The following CDH18 variants were observed in gnomAD, a reference collection of about 807,000 sequenced individuals.
CDH18 encodes the protein cadherin 18, also known as cadherin-18.
In CDH18, 31 loss-of-function variants were observed where a neutral mutation model predicts 67.9. The observed-to-expected ratio is 0.46, with a 90% CI of 0.34 to 0.62. CDH18 has a LOEUF of 0.62. Ranked by LOEUF, CDH18 falls within the 20% of genes least tolerant of loss-of-function variation. CDH18 has a pLI of 0.01. For synonymous variants in CDH18, 362 were observed against 347.2 expected (o/e 1.04, Z -0.48); for missense variants, 890 against 975.5 (o/e 0.91, Z 1.17).
chr5:20,535,535 A>T (rs143080742), intron 1 of CDH18, among the ~76,000 whole-genome samples: 131 of 152,238 alleles, frequency 8.6e-4, no homozygotes, highest in South Asian at 7.3e-3. Context: ...AACATAATCT[A>T]TACCAGGAAT....
chr5:20,034,565 C>T (rs541870031), intron 2 of CDH18, among the ~76,000 whole-genome samples: 2 of 152,112 alleles, frequency 1.3e-5, no homozygotes, highest in East Asian at 1.9e-4. Flanking sequence ...TATTGGTTGG[C>T]CTCATTCAAT....
intron 2 of CDH18, among the ~76,000 whole-genome samples, chr5:19,993,568 T>C (rs1800097856): frequency 6.6e-6 from 1 of 152,048 alleles, no homozygotes. Flanking sequence ...TCCTCACCAC[T>C]TGAACTACAC....
At position 19,961,092 on chromosome 5, in the gene CDH18, A is replaced by G. The variant is rs1458134853; in HGVS notation, c.-257+19968T>C. 2.8e-5 allele frequency among the ~76,000 whole-genome samples: 4 copies of G among 143,084 alleles called. No individual in the cohort carries two copies. The South Asian group carries it at 6.7e-4, about 24-fold the overall frequency. 93.9% of individuals were successfully genotyped at this position (143,084 alleles called of 152,430 possible). ...ACTAGGTGATAGGTATTTTTCAACT[A>G]CATTATAATTTTTTTTTTTTTTTTT... On this transcript the variant is annotated intron_variant, in intron 2 of 12. Coordinates refer to ENST00000382275, the MANE Select transcript of CDH18 (RefSeq NM_004934.5).
intron 4 of CDH18, among the ~76,000 whole-genome samples, chr5:19,739,810 C>G (rs1768860776): frequency 6.6e-6 from 1 of 152,042 alleles, no homozygotes; most frequent in Non-Finnish European, 1.5e-5. Flanking sequence ...TTTTAAATGG[C>G]TACTAGAATC....
chr5:19,706,791 A>G (rs1007094167), intron 5 of CDH18, among the ~76,000 whole-genome samples: 4 of 152,226 alleles, frequency 2.6e-5, no homozygotes, highest in Non-Finnish European at 5.9e-5. Context: ...AGGACAAGCC[A>G]TAGTGGAAAG....
chr5:20,287,050 T>C (rs946753892), intron 1 of CDH18, among the ~76,000 whole-genome samples: 15 of 151,828 alleles, frequency 9.9e-5, no homozygotes, highest in African/African-American at 3.4e-4. Flanking sequence ...ACCTCACTGC[T>C]AATTTGGACT....
chr5:20,371,560 T>C (rs77522095), intron 1 of CDH18, among the ~76,000 whole-genome samples: 4 of 152,050 alleles, frequency 2.6e-5, no homozygotes, highest in Non-Finnish European at 1.5e-5. Context: ...TGGAGACTAG[T>C]AAGAGTTATT....
chr5:20,448,426 C>T (rs1284578224), intron 1 of CDH18, among the ~76,000 whole-genome samples: 1 of 151,906 alleles, frequency 6.6e-6, no homozygotes, highest in South Asian at 2.1e-4. Flanking sequence ...TTATTCAAAA[C>T]CTTGAATAAA....
chr5:19,728,027 A>G (rs1015710161), intron 4 of CDH18, among the ~76,000 whole-genome samples: 6 of 152,282 alleles, frequency 3.9e-5, no homozygotes, highest in Middle Eastern at 3.4e-3. Context: ...AATTTTATGC[A>G]TAGTAGAAAA....
chr5:20,240,948 C>G, intron 2 of CDH18, among the ~76,000 whole-genome samples: 1 of 152,128 alleles, frequency 6.6e-6, no homozygotes, highest in Non-Finnish European at 1.5e-5. Context: ...AGTAGAGTTA[C>G]AGACAGATTT....
At chr5:19,997,061 T>A (rs1203952355) in intron 2 of CDH18, among the ~76,000 whole-genome samples, 2 of 152,078 alleles carry the variant, frequency 1.3e-5, no homozygotes, top group Non-Finnish European at 2.9e-5. Flanking sequence ...GTAAGGATAA[T>A]GTCCCTTATA....
At chr5:19,849,585 CATAT>C (rs1304153972) in intron 2 of CDH18, among the ~76,000 whole-genome samples, 1 of 114,434 alleles carries the variant, frequency 8.7e-6, no homozygotes, top group Admixed American at 9.1e-5. Flanking sequence ...GCATTTCAAA[CATAT>C]ATATATAAAC....
intron 2 of CDH18, among the ~76,000 whole-genome samples, chr5:19,972,921 C>A (rs1161793188): frequency 6.6e-6 from 1 of 151,864 alleles, no homozygotes; most frequent in East Asian, 1.9e-4. Context: ...CGTAAATTAT[C>A]CATTCTACTA....
Position 20,517,487 on chromosome 5 carries a change from G to A in CDH18, c.-580+57975C>T, listed in dbSNP as rs544122675. On this transcript the variant is annotated intron_variant, in intron 1 of 14. Transcript: ENST00000507958. ...AATTAAAATATTACTTAATTTCCTT[G>A]ACCAATGATTATTATTAGCAAGTAT... Among the ~76,000 whole-genome samples, 19 of 151,670 alleles carry A rather than the reference G, an allele frequency of 1.3e-4. 1 individual carries two copies. The South Asian group carries it at 3.8e-3, about 30-fold the overall frequency.
intron 1 of CDH18, among the ~76,000 whole-genome samples, chr5:20,306,853 A>G (rs1421929374): frequency 1.5e-5 from 2 of 133,336 alleles, no homozygotes; most frequent in Non-Finnish European, 3.2e-5. Context: ...TTTGTTTAAT[A>G]ATTTATGATT....
intron 3 of CDH18, among the ~76,000 whole-genome samples, chr5:19,755,535 TTATATTTTATATA>T (rs1459082268): frequency 7.7e-5 from 5 of 64,772 alleles, no homozygotes; most frequent in African/African-American, 1.1e-4. Flanking sequence ...CCTGTTAGTT[TTATATTTTATATA>T]TATATTTTAT....
chr5:19,692,938 C>A (rs1340275599), intron 5 of CDH18, among the ~76,000 whole-genome samples: 1 of 152,022 alleles, frequency 6.6e-6, no homozygotes. Context: ...ATAACTACAC[C>A]TCTATATCTA....
At chr5:20,445,646 C>T (rs1561009268) in intron 1 of CDH18, among the ~76,000 whole-genome samples, 1 of 152,098 alleles carries the variant, frequency 6.6e-6, no homozygotes, top group Non-Finnish European at 1.5e-5. Flanking sequence ...GAAGTGCTTA[C>T]TTGGATATCA....
At chr5:20,447,916 A>C (rs1013924034) in intron 1 of CDH18, among the ~76,000 whole-genome samples, 3 of 151,260 alleles carry the variant, frequency 2.0e-5, no homozygotes, top group African/African-American at 7.3e-5. Flanking sequence ...ATTTCTTTTT[A>C]TTATACTTTA....
Sources: gnomAD v4.1 joint callset for allele counts (sites outside exome capture counted in the v4.1 genomes callset) on GRCh38, gnomAD v4.1.1 for gene constraint, MANE v1.5 for transcripts, NCBI Gene and HGNC (gene_info 2026-07-23, HGNC 2026-07-21) for gene names.